Variants in PDE4D observed in about 807,000 individuals in gnomAD.
The protein encoded by PDE4D is phosphodiesterase 4D.
In PDE4D, 24 loss-of-function variants were observed where a neutral mutation model predicts 87.4. The observed-to-expected ratio is 0.27, with a 90% CI of 0.20 to 0.39. PDE4D has a LOEUF of 0.39. PDE4D is among the 10% of genes least tolerant of loss of function. The pLI, the probability that PDE4D is intolerant of heterozygous loss-of-function variation, is 1.00. For missense variants in PDE4D, 714 were observed against 1,041.0 expected, an observed-to-expected ratio of 0.69 and a Z score of 4.32; for synonymous variants, 384 against 383.2, an observed-to-expected ratio of 1.00 and a Z score of -0.02.
intron 1 of PDE4D, among the ~76,000 whole-genome samples, chr5:59,749,758 T>C (rs1489242761): frequency 6.6e-6 from 1 of 152,144 alleles, no homozygotes; most frequent in African/African-American, 2.4e-5. Flanking sequence ...CCACCTACAT[T>C]TTAATAACTC....
intron 5 of PDE4D, among the ~76,000 whole-genome samples, chr5:59,135,742 C>A (rs989419260): frequency 6.6e-6 from 1 of 152,090 alleles, no homozygotes; most frequent in East Asian, 1.9e-4. Context: ...AACAGAAAAA[C>A]CACTGCCTGA....
intron 2 of PDE4D, among the ~76,000 whole-genome samples, chr5:60,114,371 T>A (rs1466674957): frequency 2.6e-5 from 4 of 152,234 alleles, no homozygotes; most frequent in African/African-American, 9.6e-5. Context: ...CACTTGTAAT[T>A]GGTCATTATG....
chr5:59,289,621 G>A (rs562163218), intron 1 of PDE4D, among the ~76,000 whole-genome samples: 1 of 152,048 alleles, frequency 6.6e-6, no homozygotes, highest in Non-Finnish European at 1.5e-5. Context: ...CTTCCAAGAG[G>A]TGGGACAAGA....
chr5:59,171,697 A>G (rs1393151017), intron 5 of PDE4D, among the ~76,000 whole-genome samples: 1 of 149,916 alleles, frequency 6.7e-6, no homozygotes, highest in Non-Finnish European at 1.5e-5. Flanking sequence ...CCCTAACCAC[A>G]TGGAAAGCAT....
chr5:59,893,658 G>A lies in PDE4D; in HGVS notation c.-36C>T. On this transcript the variant is annotated 5_prime_UTR_variant, in exon 1 of 15. Transcript: ENST00000340635. ...GGCTCCGCGACCTGCTGCCCAGCCC[G>A]GGTTCACCGCGCTGGCCCGAGCGCC... 6.9e-7 allele frequency: 1 copy of A among 1,443,186 alleles called. No homozygotes were observed. The highest frequency in any genetic ancestry group is 3.0e-5 in the East Asian group (1 of 33,826). The allele number at this position is 1,443,186 out of a possible 1,614,324, so 89.4% of individuals were successfully genotyped here.
chr5:59,177,930 G>A (rs1297709769), intron 5 of PDE4D, among the ~76,000 whole-genome samples: 1 of 152,050 alleles, frequency 6.6e-6, no homozygotes, highest in African/African-American at 2.4e-5. Context: ...TCTTAAGGGT[G>A]CCTCACTGAC....
At chr5:59,275,312 A>G (rs548227190) in intron 1 of PDE4D, 4 of 1,566,592 alleles carry the variant, frequency 2.6e-6, no homozygotes, top group South Asian at 2.2e-5. Flanking sequence ...AGAAAAGGGG[A>G]AAAGCATGAG....
chr5:59,101,416 C>T (rs570711035), intron 5 of PDE4D, among the ~76,000 whole-genome samples: 1 of 152,232 alleles, frequency 6.6e-6, no homozygotes, highest in South Asian at 2.1e-4. Context: ...TTTTGTCACA[C>T]TCTTTCTCCA....
At chr5:60,185,536 A>G in intron 2 of PDE4D, 1 of 1,490,984 alleles carries the variant, frequency 6.7e-7, no homozygotes, top group Non-Finnish European at 9.0e-7. Flanking sequence ...TAGAAAATAG[A>G]TGAAAACAAA....
chr5:59,475,738 T>C (rs1052061715), intron 1 of PDE4D, among the ~76,000 whole-genome samples: 1 of 152,058 alleles, frequency 6.6e-6, no homozygotes, highest in Admixed American at 6.6e-5. Context: ...GAATCTAAAC[T>C]TTCCAGACTC....
chr5:60,429,834 GT>G lies in PDE4D; in HGVS notation c.-90+58107del, dbSNP rs371387651. 2,841 of 290,540 alleles carry G rather than the reference GT, an allele frequency of 9.8e-3. 4 individuals carry two copies. The highest frequency in any genetic ancestry group is 0.024 in the African/African-American group (1,000 of 41,046). The allele number at this position is 290,540 out of a possible 1,614,324, so 18.0% of individuals were successfully genotyped here. A position where few individuals can be genotyped will look rare whatever the true frequency, so the allele number is the denominator to read the frequency against. ...AAGCCTGCTCAATGGTGGTGGATTAGTTTTTTTTTTTTTGTTTTTTTTTTTA... is the reference window on the plus strand; with the variant it reads ...AAGCCTGCTCAATGGTGGTGGATTAGTTTTTTTTTTTTGTTTTTTTTTTTA... On this transcript the variant is annotated intron_variant, in intron 1 of 16. Transcript: ENST00000502484.
At chr5:59,027,684 G>A (rs1030405618) in intron 6 of PDE4D, among the ~76,000 whole-genome samples, 10 of 152,018 alleles carry the variant, frequency 6.6e-5, no homozygotes, top group African/African-American at 1.7e-4. Context: ...ATATTCCCAC[G>A]GGTGTAGGGT....
chr5:59,713,169 T>C (rs146259415), intron 1 of PDE4D, among the ~76,000 whole-genome samples: 4 of 152,138 alleles, frequency 2.6e-5, no homozygotes, highest in Middle Eastern at 3.4e-3. Context: ...TTGCTAGCAA[T>C]TAGGAAAAAA....
Position 60,505,640 on chromosome 5 carries a change from C to T in PDE4D, n.70+16411G>A, listed in dbSNP as rs78962346. On this transcript the variant is annotated intron_variant and non_coding_transcript_variant, in intron 1 of 2. Transcript: ENST00000506510. ...TGACGGATATACCCTGAGGCCACTT[C>T]GAAGCCAGACCTTAGGTTTATGGAA... 1.6e-4 allele frequency among the ~76,000 whole-genome samples: 24 copies of T among 152,280 alleles called. No homozygotes were observed. In the East Asian group the frequency reaches 4.3e-3, roughly 27 times the overall value.
At chr5:60,346,488 G>A (rs1758756279) in intron 1 of PDE4D, among the ~76,000 whole-genome samples, 1 of 152,116 alleles carries the variant, frequency 6.6e-6, no homozygotes, top group Admixed American at 6.6e-5. Context: ...AAAATGACAG[G>A]AAAATTTGTT....
intron 1 of PDE4D, among the ~76,000 whole-genome samples, chr5:59,561,124 C>T (rs1005469879): frequency 1.3e-5 from 2 of 152,120 alleles, no homozygotes; most frequent in African/African-American, 2.4e-5. Flanking sequence ...ATCCACTTTT[C>T]GGGGTGGAAG....
intron 2 of PDE4D, among the ~76,000 whole-genome samples, chr5:59,194,468 A>ATG (rs777683165): frequency 0.021 from 3,258 of 152,302 alleles, 46 homozygotes; most frequent in Non-Finnish European, 0.034. Context: ...GACCCAAAAC[A>ATG]ACACCCATGA....
intron 5 of PDE4D, among the ~76,000 whole-genome samples, chr5:59,156,331 A>ATATATATGTGTGTGTGTG (rs1384479557): frequency 1.7e-4 from 21 of 122,756 alleles, no homozygotes; most frequent in African/African-American, 7.1e-4. Flanking sequence ...ATATATATAT[A>ATATATATGTGTGTGTGTG]TGTGTGTGTG....
Position 60,431,406 on chromosome 5 carries a change from G to A in PDE4D, c.-90+56536C>T, listed in dbSNP as rs571809169. ...TCACCTCCCAGACGGGTTCGCGGCC[G>A]GGTAGAGGCGCTCCTCACATCCCAG... On this transcript the variant is annotated intron_variant, in intron 1 of 16. Transcript: ENST00000502484. Among the ~76,000 whole-genome samples, 8 of 151,860 alleles carry A rather than the reference G, an allele frequency of 5.3e-5. No individual in the cohort carries two copies. In the South Asian group the frequency reaches 1.0e-3, roughly 20 times the overall value.
Sources: gnomAD v4.1 joint callset for allele counts (sites outside exome capture counted in the v4.1 genomes callset) on GRCh38, gnomAD v4.1.1 for gene constraint, MANE v1.5 for transcripts, NCBI Gene and HGNC (gene_info 2026-07-23, HGNC 2026-07-21) for gene names.